NTRK2: variants seen among roughly 807,000 people sequenced by gnomAD.
The protein encoded by NTRK2 is neurotrophic receptor tyrosine kinase 2.
A neutral mutation model predicts 94.5 loss-of-function variants in NTRK2; 13 were observed. The ratio of observed to expected loss-of-function variants is 0.14; its 90% CI spans 0.09 to 0.22. The LOEUF is 0.22. NTRK2 is among the 10% of genes least tolerant of loss of function. The probability of loss-of-function intolerance (pLI) is 1.00; values close to 1 mark genes in which losing one functional copy is unlikely to be tolerated. For synonymous variants in NTRK2, 372 were observed against 407.4 expected (o/e 0.91, Z 1.05); for missense variants, 639 against 1,071.2 (o/e 0.60, Z 5.63).
chr9:84,966,413 G>A (rs1239723582), intron 17 of NTRK2, among the ~76,000 whole-genome samples: 1 of 152,118 alleles, frequency 6.6e-6, no homozygotes, highest in African/African-American at 2.4e-5. Context: ...CCAGCCAAGT[G>A]TAGAGCTATG....
intron 6 of NTRK2, among the ~76,000 whole-genome samples, chr9:84,716,757 G>A (rs781339779): frequency 6.6e-6 from 1 of 152,200 alleles, no homozygotes; most frequent in Non-Finnish European, 1.5e-5. Flanking sequence ...AAATGAAGTT[G>A]TTTTTTTCTC....
intron 12 of NTRK2, among the ~76,000 whole-genome samples, chr9:84,858,379 ACTATAATATC>A (rs1259587560): frequency 6.6e-6 from 1 of 151,440 alleles, no homozygotes; most frequent in East Asian, 1.9e-4. Flanking sequence ...TGCGATTTTC[ACTATAATATC>A]CAAACTCTTG....
intron 2 of NTRK2, among the ~76,000 whole-genome samples, chr9:84,673,482 C>T (rs1353773363): frequency 6.6e-6 from 1 of 152,070 alleles, no homozygotes; most frequent in Non-Finnish European, 1.5e-5. Flanking sequence ...AAGTTACGTG[C>T]GTCTATTTTT....
At chr9:84,685,996 C>T (rs1392015176) in intron 2 of NTRK2, among the ~76,000 whole-genome samples, 1 of 152,228 alleles carries the variant, frequency 6.6e-6, no homozygotes, top group Non-Finnish European at 1.5e-5. Flanking sequence ...CACAAATACA[C>T]ACGGATATGC....
chr9:84,953,712 T>C (rs530851051), intron 16 of NTRK2, among the ~76,000 whole-genome samples: 10 of 152,320 alleles, frequency 6.6e-5, no homozygotes, highest in Middle Eastern at 3.4e-3. Flanking sequence ...AATCCAGGTA[T>C]TTAGAGACAG....
intron 17 of NTRK2, among the ~76,000 whole-genome samples, chr9:84,967,581 C>A (rs552847446): frequency 2.6e-5 from 4 of 152,394 alleles, no homozygotes; most frequent in African/African-American, 9.6e-5. Flanking sequence ...CACAGCCTTA[C>A]GACAGCACCA....
rs190171103 is a variant in NTRK2 at position 84,912,217 on chromosome 9, C to T, written c.1634-21945C>T. 4.5e-3 allele frequency among the ~76,000 whole-genome samples: 686 copies of T among 152,252 alleles called. 1 individual carries two copies. The highest frequency in any genetic ancestry group is 0.01 in the Admixed American group (159 of 15,278). ...AATAAGTCTGAAAAAAATGTGCATT[C>T]TGCTGTTGTTGAGTAGAGTATCCTA... On this transcript the variant is annotated intron_variant, in intron 14 of 18. Coordinates refer to ENST00000277120, the MANE Select transcript of NTRK2 (RefSeq NM_006180.6).
intron 15 of NTRK2, among the ~76,000 whole-genome samples, chr9:84,940,636 T>C (rs1045290050): frequency 9.9e-5 from 15 of 151,966 alleles, no homozygotes; most frequent in Non-Finnish European, 2.9e-5. Flanking sequence ...AGGCCACCTC[T>C]GGGAACAGAA....
chr9:84,859,619 T>C (rs2075236779), intron 12 of NTRK2, among the ~76,000 whole-genome samples: 1 of 152,038 alleles, frequency 6.6e-6, no homozygotes, highest in Non-Finnish European at 1.5e-5. Flanking sequence ...TTCTCTAAAA[T>C]GGGAATGTAA....
At chr9:84,841,813 T>G (rs1242976772) in intron 12 of NTRK2, among the ~76,000 whole-genome samples, 2 of 152,206 alleles carry the variant, frequency 1.3e-5, no homozygotes, top group Non-Finnish European at 2.9e-5. Flanking sequence ...ACGGCAGAAA[T>G]TTTGGTCCAT....
intron 2 of NTRK2, among the ~76,000 whole-genome samples, chr9:84,674,386 T>G (rs1246300663): frequency 6.6e-6 from 1 of 152,234 alleles, no homozygotes; most frequent in Non-Finnish European, 1.5e-5. Flanking sequence ...ATTGTTGGCC[T>G]GGTTAAGCAG....
chr9:84,831,907 A>C (rs916790520), intron 12 of NTRK2, among the ~76,000 whole-genome samples: 4 of 152,246 alleles, frequency 2.6e-5, no homozygotes, highest in African/African-American at 9.6e-5. Context: ...AAAAAAGGCA[A>C]GATATTTTAG....
At chr9:84,931,173 A>C (rs1361273529) in intron 14 of NTRK2, among the ~76,000 whole-genome samples, 1 of 152,108 alleles carries the variant, frequency 6.6e-6, no homozygotes, top group Admixed American at 6.6e-5. Flanking sequence ...TTGGGAGGCC[A>C]AGGTGGGTGG....
At chr9:84,771,108 T>C (rs1386877077) in intron 12 of NTRK2, among the ~76,000 whole-genome samples, 1 of 152,240 alleles carries the variant, frequency 6.6e-6, no homozygotes, top group African/African-American at 2.4e-5. Flanking sequence ...GCTTGAGTCA[T>C]GTCACTTTGT....
intron 14 of NTRK2, among the ~76,000 whole-genome samples, chr9:84,925,594 C>G (rs1399481201): frequency 6.6e-6 from 1 of 152,164 alleles, no homozygotes; most frequent in Admixed American, 6.5e-5. Flanking sequence ...CATTAGGGGT[C>G]ACAGATCTGA....
At chr9:84,800,414 T>C (rs891673557) in intron 12 of NTRK2, among the ~76,000 whole-genome samples, 3 of 152,210 alleles carry the variant, frequency 2.0e-5, no homozygotes, top group Non-Finnish European at 4.4e-5. Context: ...TTGGCCAGGC[T>C]GGTCTTGAAC....
chr9:84,706,521 G>GTTC (rs2061083245), intron 4 of NTRK2, among the ~76,000 whole-genome samples: 1 of 95,336 alleles, frequency 1.0e-5, no homozygotes, highest in Non-Finnish European at 2.0e-5. Context: ...GTTATTTTTT[G>GTTC]TTTTTGTTTT....
Position 84,718,158 on chromosome 9 carries a change from G to A in NTRK2, c.584-5415G>A, listed in dbSNP as rs2061832439. ...ATAAGACACACTTTGGGGAAAATTTGATGGACAACTCAGGTCCATATCAGA... is the reference window on the plus strand; with the variant it reads ...ATAAGACACACTTTGGGGAAAATTTAATGGACAACTCAGGTCCATATCAGA... On this transcript the variant is annotated intron_variant, in intron 6 of 18. Coordinates refer to ENST00000277120, the MANE Select transcript of NTRK2 (RefSeq NM_006180.6). 2.6e-5 allele frequency among the ~76,000 whole-genome samples: 4 copies of A among 151,772 alleles called. No homozygotes were observed. In the South Asian group the frequency reaches 8.3e-4, roughly 32 times the overall value.
chr9:84,862,979 C>G (rs2075402846), intron 13 of NTRK2, among the ~76,000 whole-genome samples: 1 of 152,078 alleles, frequency 6.6e-6, no homozygotes, highest in East Asian at 1.9e-4. Flanking sequence ...GGTGTTGTCT[C>G]TGGATTGGTT....
Sources: allele counts gnomAD v4.1 joint callset (sites outside exome capture counted in the v4.1 genomes callset), GRCh38; gene constraint gnomAD v4.1.1; transcripts MANE v1.5; gene names NCBI Gene and HGNC (gene_info 2026-07-23, HGNC 2026-07-21).